Variants in PIK3C3 observed in about 807,000 individuals in gnomAD.
PIK3C3 encodes the protein PI3-kinase type 3.
A neutral mutation model predicts 126.1 loss-of-function variants in PIK3C3; 95 were observed. The ratio of observed to expected loss-of-function variants is 0.75; its 90% CI spans 0.64 to 0.89. The LOEUF (loss-of-function observed/expected upper bound fraction) is 0.89, where lower values mean the gene tolerates loss of function less well. PIK3C3 is among the 40% of genes least tolerant of loss of function. The pLI, the probability that PIK3C3 is intolerant of heterozygous loss-of-function variation, is 0.00. For missense variants in PIK3C3, 829 were observed against 1,063.2 expected (o/e 0.78, Z 3.06); for synonymous variants, 374 against 360.0 (o/e 1.04, Z -0.44).
At chr18:41,967,026 A>T (rs1399138186) in intron 3 of PIK3C3, among the ~76,000 whole-genome samples, 1 of 152,158 alleles carries the variant, frequency 6.6e-6, no homozygotes, top group Non-Finnish European at 1.5e-5. Context: ...AAGAAACCCT[A>T]TGAAATTAAA....
At position 42,026,071 on chromosome 18, in the gene PIK3C3, G is replaced by A. The variant is rs552593023; in HGVS notation, c.1485-1372G>A. The A allele has an allele frequency of 3.9e-5, 6 of 152,268 alleles. No individual in the cohort carries two copies. In the East Asian group the frequency reaches 9.7e-4, roughly 25 times the overall value. The allele number at this position is 152,268 out of a possible 1,614,324, so 9.4% of individuals were successfully genotyped here. A position where few individuals can be genotyped will look rare whatever the true frequency, so the allele number is the denominator to read the frequency against. The stretch of plus-strand genomic sequence containing the variant: ...TTGGGAAACATTGTCAGTTAAGAAG[G>A]TCGAAAAGTTTCACATGTGTTTTAA... On this transcript the variant is annotated intron_variant, in intron 13 of 24. Transcript: ENST00000262039.
rs759821042 is a variant in PIK3C3 at position 41,962,615 on chromosome 18, G to A, written c.384G>A (p.Ser128=). ...TGCCTGTAGGAGGAACAACGGTTTCGCTCTTTGGAAAATACGGGTAAGCAT... is the reference window on the plus strand; with the variant it reads ...TGCCTGTAGGAGGAACAACGGTTTCACTCTTTGGAAAATACGGGTAAGCAT... The part of the protein sequence containing the change: ...KAVPVGGTTV[S]LFGKYGMFRQ... Residue 128 remains serine, a synonymous_variant, in exon 3 of 25, where the codon TCG becomes TCA. Coordinates refer to ENST00000262039, the MANE Select transcript of PIK3C3 (RefSeq NM_002647.4). 2.5e-6 allele frequency: 4 copies of A among 1,610,502 alleles called. No individual in the cohort carries two copies. Among genetic ancestry groups the A allele is most frequent in the East Asian group, 4.5e-5 (2 of 44,688 alleles).
rs181705022 is a variant in PIK3C3 at position 42,081,119 on chromosome 18, G to T, written c.2650-4G>T. ...TTCTGTTTATTTCTTTTTAATTTTT[G>T]TAGTACTGGAGAAAATGAAACTGGG... On this transcript the variant is annotated splice_polypyrimidine_tract_variant and splice_region_variant and intron_variant, in intron 24 of 24. Transcript: ENST00000262039. The T allele has an allele frequency of 2.6e-6, 4 of 1,529,056 alleles. No individual in the cohort carries two copies. Among genetic ancestry groups the T allele is most frequent in the East Asian group, 2.3e-5 (1 of 43,932 alleles). The allele number at this position is 1,529,056 out of a possible 1,614,324, so 94.7% of individuals were successfully genotyped here.
At chr18:42,016,022 A>T (rs923453089) in intron 12 of PIK3C3, among the ~76,000 whole-genome samples, 3 of 152,186 alleles carry the variant, frequency 2.0e-5, no homozygotes, top group Non-Finnish European at 4.4e-5. Context: ...GCTACTCTGA[A>T]AAGTACTTTG....
At chr18:42,010,331 T>G (rs532057545) in intron 10 of PIK3C3, among the ~76,000 whole-genome samples, 1 of 152,142 alleles carries the variant, frequency 6.6e-6, no homozygotes, top group African/African-American at 2.4e-5. Flanking sequence ...TTTTTTGCTA[T>G]TTCCGTGACT....
intron 1 of PIK3C3, among the ~76,000 whole-genome samples, chr18:41,956,487 G>T (rs1440073369): frequency 6.7e-6 from 1 of 148,452 alleles, no homozygotes; most frequent in African/African-American, 2.5e-5. Flanking sequence ...TTGGATATAT[G>T]AATGCATTTT....
At chr18:42,000,477 A>G (rs955231844) in intron 9 of PIK3C3, among the ~76,000 whole-genome samples, 11 of 152,144 alleles carry the variant, frequency 7.2e-5, no homozygotes, top group African/African-American at 2.7e-4. Flanking sequence ...CAAGGGATGG[A>G]GAAGAAGCTA....
At chr18:42,022,613 C>T (rs1362501366) in intron 13 of PIK3C3, among the ~76,000 whole-genome samples, 1 of 152,062 alleles carries the variant, frequency 6.6e-6, no homozygotes, top group Non-Finnish European at 1.5e-5. Flanking sequence ...TGATTTTCCC[C>T]CCTTTGGAAC....
Position 42,052,309 on chromosome 18 carries a change from G to A in PIK3C3, c.2263+2704G>A, listed in dbSNP as rs536725586. ...TCAGAAACAGAAGCTTTAAGCTTTTGTTAACAGTTTTCCACTAGAGGGTGC... is the reference window on the plus strand; with the variant it reads ...TCAGAAACAGAAGCTTTAAGCTTTTATTAACAGTTTTCCACTAGAGGGTGC... On this transcript the variant is annotated intron_variant, in intron 21 of 24. Coordinates refer to ENST00000262039, the MANE Select transcript of PIK3C3 (RefSeq NM_002647.4). 2.2e-4 allele frequency among the ~76,000 whole-genome samples: 33 copies of A among 152,198 alleles called. No homozygotes were observed. The South Asian group carries it at 6.8e-3, about 32-fold the overall frequency.
At chr18:41,980,612 T>A (rs576447758) in intron 4 of PIK3C3, among the ~76,000 whole-genome samples, 1 of 152,094 alleles carries the variant, frequency 6.6e-6, no homozygotes, top group East Asian at 1.9e-4. Context: ...GCTCAGGAGT[T>A]CGAAGCCAGC....
intron 9 of PIK3C3, among the ~76,000 whole-genome samples, chr18:42,001,423 A>T (rs992461571): frequency 6.6e-6 from 1 of 152,224 alleles, no homozygotes; most frequent in Non-Finnish European, 1.5e-5. Context: ...AATCTGTGGA[A>T]GTTACACACA....
intron 4 of PIK3C3, among the ~76,000 whole-genome samples, chr18:41,977,293 C>T (rs1176375028): frequency 6.6e-6 from 1 of 151,968 alleles, no homozygotes; most frequent in Non-Finnish European, 1.5e-5. Context: ...TCAGTGCAAC[C>T]TCAAAGGACA....
chr18:42,011,373 G>A (rs963019056), intron 10 of PIK3C3, among the ~76,000 whole-genome samples: 2 of 152,158 alleles, frequency 1.3e-5, no homozygotes, highest in Non-Finnish European at 2.9e-5. Flanking sequence ...ATCAGTACTT[G>A]TTGCTTTGCT....
chr18:41,988,192 CT>C (rs2144348620), intron 5 of PIK3C3, among the ~76,000 whole-genome samples: 1 of 152,252 alleles, frequency 6.6e-6, no homozygotes, highest in East Asian at 1.9e-4. Context: ...GTCATATCAG[CT>C]CATGTTCAAG....
chr18:42,039,191 G>T (rs2144466969), intron 18 of PIK3C3, among the ~76,000 whole-genome samples: 1 of 152,198 alleles, frequency 6.6e-6, no homozygotes, highest in East Asian at 1.9e-4. Flanking sequence ...TTTGGTAGAA[G>T]ATTCCCTAGG....
intron 20 of PIK3C3, among the ~76,000 whole-genome samples, chr18:42,046,002 T>C (rs1029407049): frequency 6.6e-6 from 1 of 152,182 alleles, no homozygotes; most frequent in African/African-American, 2.4e-5. Context: ...AGGTACATGC[T>C]TAATGTCGTA....
At chr18:42,038,471 A>C (rs949570830) in intron 17 of PIK3C3, among the ~76,000 whole-genome samples, 1 of 151,894 alleles carries the variant, frequency 6.6e-6, no homozygotes, top group Non-Finnish European at 1.5e-5. Flanking sequence ...CCTCCCGAGT[A>C]GTTGGGACTA....
chr18:41,999,945 A>T (rs1982204480), intron 9 of PIK3C3, among the ~76,000 whole-genome samples: 1 of 152,194 alleles, frequency 6.6e-6, no homozygotes. Context: ...AATAGAAAAG[A>T]TGGCATCAGA....
Position 42,081,163 on chromosome 18 carries a change from T to C in PIK3C3, c.*26T>C, listed in dbSNP as rs561245539. The C allele has an allele frequency of 1.3e-6, 2 of 1,563,346 alleles. No homozygotes were observed. The highest frequency in any genetic ancestry group is 3.4e-5 in the Admixed American group (2 of 58,502). ...AACTGGGATTGACCCATCAAGATGC[T>C]TGGCTCAATAAGAAAACCACGTTAG... On this transcript the variant is annotated 3_prime_UTR_variant, in exon 25 of 25. Transcript: ENST00000262039.
Sources: allele counts gnomAD v4.1 joint callset (sites outside exome capture counted in the v4.1 genomes callset), GRCh38; gene constraint gnomAD v4.1.1; transcripts MANE v1.5; gene names NCBI Gene and HGNC (gene_info 2026-07-23, HGNC 2026-07-21).